GREP1: variants seen among roughly 807,000 people sequenced by gnomAD.
GREP1 encodes the protein glycine rich extracellular protein 1.
intron 7 of GREP1, 85 bp downstream of exon 6, chr16:2,990,672 C>A (rs1456526037): frequency 1.0e-5 from 4 of 398,262 alleles, no homozygotes; most frequent in African/African-American, 4.1e-5. Context: ...GGGAATGCAG[C>A]CAGATCGGTG....
At chr16:2,998,222 A>G (rs2072437101) in intron 23 of GREP1, 134 bp from the exon 22 acceptor site, 1 of 397,040 alleles carries the variant, frequency 2.5e-6, no homozygotes, top group Non-Finnish European at 4.4e-6. Flanking sequence ...CTCCCAGGAT[A>G]CACACCAGGG....
intron 25 of GREP1, 77 bp downstream of exon 23, chr16:2,998,600 T>G (rs1251541956): frequency 2.5e-6 from 1 of 398,544 alleles, no homozygotes; most frequent in African/African-American, 2.1e-5. Context: ...GGGGCCTCCA[T>G]CAGGAGCCCC....
At chr16:2,990,985 G>A in intron 7 of GREP1, 63 bp from the exon 7 acceptor site, 1 of 399,166 alleles carries the variant, frequency 2.5e-6, no homozygotes, top group Non-Finnish European at 4.4e-6. Context: ...CCCACCCTCT[G>A]TCTCTGTCTC....
Position 2,992,956 on chromosome 16 carries a change from G to A in GREP1, c.378G>A (p.Gln126=). 1 of 399,078 alleles carries A rather than the reference G, an allele frequency of 2.5e-6. No individual in the cohort carries two copies. The highest frequency in any genetic ancestry group is 4.4e-6 in the Non-Finnish European group (1 of 226,080). 24.7% of individuals were successfully genotyped at this position (399,078 alleles called of 1,614,324 possible). The change falls in exon 10 of 35, where the codon CAG becomes CAA. Residue 126 remains glutamine, a synonymous_variant. Coordinates refer to ENST00000573315, the Ensembl canonical transcript of GREP1. The surrounding 1 kb of genome is among the most constrained non-coding windows in gnomAD (Gnocchi z 4.9). ...GCTTTGGAGGGGGTGGAAAACCCCA[G>A]AAGCCAGGTGAGCCACTCCCTGTCC... is the stretch of plus-strand genomic sequence containing the variant.
At position 2,998,587 on chromosome 16, in the gene GREP1, G is replaced by A. The variant is rs571344506; in HGVS notation, c.1012+64G>A. ...AGGGAGAGGGAGGCTGCTGGAAGAC[G>A]GAGGGGCCTCCATCAGGAGCCCCAT... On this transcript the variant is annotated intron_variant, in intron 25 of 34. Coordinates refer to ENST00000573315, the Ensembl canonical transcript of GREP1. 96 of 398,930 alleles carry A rather than the reference G, an allele frequency of 2.4e-4. 1 individual carries two copies. The South Asian group carries it at 6.1e-3, about 25-fold the overall frequency. The allele number at this position is 398,930 out of a possible 1,614,324, so 24.7% of individuals were successfully genotyped here. A position where few individuals can be genotyped will look rare whatever the true frequency, so the allele number is the denominator to read the frequency against.
At chr16:2,995,809 G>C (rs550519499) in intron 17 of GREP1, 38 bp downstream of exon 17, 1 of 398,350 alleles carries the variant, frequency 2.5e-6, no homozygotes, top group Non-Finnish European at 4.4e-6. Context: ...CTCTATGCAC[G>C]AACCCCTGAA....
chr16:2,991,383 G>A lies in GREP1; in HGVS notation c.322+282G>A, dbSNP rs1184189407. Reference sequence around the variant, plus strand: ...CCTCACCAATGTCTCCCCAGGATTGGGGAGCAGAAGTGGTTTGGGCGCTGG... The same window carrying A: ...CCTCACCAATGTCTCCCCAGGATTGAGGAGCAGAAGTGGTTTGGGCGCTGG... On this transcript the variant is annotated intron_variant, in intron 8 of 34. Transcript: ENST00000573315. The surrounding 1 kb of genome is among the most constrained non-coding windows in gnomAD (Gnocchi z 4.9). 1 of 341,152 alleles carries A rather than the reference G, an allele frequency of 2.9e-6. No homozygotes were observed. The highest frequency in any genetic ancestry group is 5.3e-6 in the Non-Finnish European group (1 of 190,216). The allele number at this position is 341,152 out of a possible 1,614,324, so 21.1% of individuals were successfully genotyped here.
intron 21 of GREP1, chr16:2,997,334 C>T (rs934348951): frequency 1.5e-5 from 6 of 398,490 alleles, no homozygotes; most frequent in East Asian, 3.6e-5. Flanking sequence ...AAAGGCCCTT[C>T]GCCCTCTCCT....
chr16:2,997,373 C>G, intron 21 of GREP1: 1 of 398,650 alleles, frequency 2.5e-6, no homozygotes, highest in Non-Finnish European at 4.4e-6. Flanking sequence ...CCCTGCTCAC[C>G]CCTCCCTCCC....
chr16:2,990,734 GGTGTCTCACGGGAAGTGGGCA>G lies in GREP1; in HGVS notation c.268+149_268+169del, dbSNP rs574447534. On this transcript the variant is annotated intron_variant, in intron 7 of 34. Transcript: ENST00000573315. The stretch of plus-strand genomic sequence containing the variant: ...GGCCTCAGAGAGGGCAGAACAGGTG[GGTGTCTCACGGGAAGTGGGCA>G]GGAGGGGACGGTGAGGAGTTCTGAT... 43 of 398,192 alleles carry G rather than the reference GGTGTCTCACGGGAAGTGGGCA, an allele frequency of 1.1e-4. 1 individual carries two copies. The South Asian group carries it at 5.4e-3, about 50-fold the overall frequency. The allele number at this position is 398,192 out of a possible 1,614,324, so 24.7% of individuals were successfully genotyped here.
At chr16:3,001,662 G>A in exon 35 of GREP1, 1 of 399,130 alleles carries the variant, frequency 2.5e-6, no homozygotes, top group Non-Finnish European at 4.4e-6. Flanking sequence ...CCTGGCCGGG[G>A]GTCTCCTCCA....
At position 2,989,887 on chromosome 16, in the gene GREP1, C is replaced by T. The variant is rs2072389831; in HGVS notation, c.131-87C>T. On this transcript the variant is annotated intron_variant, in intron 3 of 34. Transcript: ENST00000573315. The surrounding 1 kb of genome is among the most constrained non-coding windows in gnomAD (Gnocchi z 4.2). ...TGGGAAGGGACTGAGTTCCCACAGG[C>T]CCACTGCTTGGATAGGCTGTGGGCC... The T allele has an allele frequency of 5.0e-6, 2 of 398,832 alleles. No homozygotes were observed. The highest frequency in any genetic ancestry group is 4.1e-5 in the African/African-American group (2 of 48,612). 24.7% of individuals were successfully genotyped at this position (398,832 alleles called of 1,614,324 possible).
intron 25 of GREP1, 24 bp from the exon 24 acceptor site, chr16:2,998,824 C>T (rs2072442339): frequency 2.5e-6 from 1 of 399,110 alleles, no homozygotes; most frequent in Non-Finnish European, 4.4e-6. Context: ...CATAGCCCCA[C>T]CCCTCCCTTC....
At chr16:3,000,051 C>A (rs916019385) in intron 28 of GREP1, 35 bp from the exon 26 acceptor site, 1 of 399,028 alleles carries the variant, frequency 2.5e-6, no homozygotes, top group East Asian at 3.6e-5. Context: ...CTCTCGCTGA[C>A]CCCCATCTCT....
At chr16:2,999,074 T>C in intron 26 of GREP1, 95 bp downstream of exon 24, 1 of 398,698 alleles carries the variant, frequency 2.5e-6, no homozygotes. Context: ...TGTCCTCGGA[T>C]GCCAAGGCTC....
At position 2,995,772 on chromosome 16, in the gene GREP1, G is replaced by A. The variant is rs989016315; in HGVS notation, c.622+1G>A. On this transcript the variant is annotated splice_donor_variant, in intron 17 of 34. Coordinates refer to ENST00000573315, the Ensembl canonical transcript of GREP1. LOFTEE classifies it high-confidence loss of function. ...GGGAATGTGAAGCCTCTGAAGCCAG[G>A]TGAGCCCCGCCCGCCCTGGTCTGCC... The A allele has an allele frequency of 6.5e-5, 26 of 398,586 alleles. No homozygotes were observed. Among genetic ancestry groups the A allele is most frequent in the South Asian group, 2.5e-4 (2 of 7,864 alleles). 24.7% of individuals were successfully genotyped at this position (398,586 alleles called of 1,614,324 possible). A position where few individuals can be genotyped will look rare whatever the true frequency, so the allele number is the denominator to read the frequency against.
exon 30 of GREP1, chr16:3,000,346 C>A (rs1207549415): frequency 5.0e-6 from 2 of 399,168 alleles, no homozygotes; most frequent in Non-Finnish European, 8.8e-6. Context: ...GAGGCCCACC[C>A]ACAGCCAGGT....
intron 15 of GREP1, 111 bp from the exon 16 acceptor site, chr16:2,995,508 G>A (rs969823356): frequency 7.5e-6 from 3 of 398,674 alleles, no homozygotes; most frequent in African/African-American, 2.1e-5. Context: ...AGTCTCATGG[G>A]GGGCTGAGCT....
chr16:2,988,452 G>A (rs1033106158), intron 1 of GREP1, 112 bp downstream of exon 1: 6 of 399,286 alleles, frequency 1.5e-5, no homozygotes, highest in Middle Eastern at 6.3e-4. Flanking sequence ...AAGGAGGGCT[G>A]GGGTGTGGAA....
Sources: gnomAD v4.1 joint callset for allele counts on GRCh38, gnomAD v4.1.1 for gene constraint, Gnocchi (gnomAD v3.1) non-coding constraint, MANE v1.5 for transcripts, NCBI Gene and HGNC (gene_info 2026-07-23, HGNC 2026-07-21) for gene names.